The following FRS2 variants were observed in gnomAD, a reference collection of about 807,000 sequenced individuals.
FRS2 encodes FGFR signalling adaptor.
In FRS2, 8 loss-of-function variants were observed where a neutral mutation model predicts 43.9. That is an observed-to-expected ratio of 0.18 (90% CI 0.11 to 0.33). The LOEUF (loss-of-function observed/expected upper bound fraction) is 0.33. Among genes scored for constraint, FRS2 ranks in the 10% least tolerant of loss-of-function variants. The pLI, the probability that FRS2 is intolerant of heterozygous loss-of-function variation, is 1.00. For synonymous variants in FRS2, 219 were observed against 220.3 expected, an observed-to-expected ratio of 0.99 and a Z score of 0.05; for missense variants, 534 against 627.6, an observed-to-expected ratio of 0.85 and a Z score of 1.59.
At chr12:69,485,082 A>AACACACACACAC (rs71094716) in intron 1 of FRS2, among the ~76,000 whole-genome samples, 992 of 85,266 alleles carry the variant, frequency 0.012, 15 homozygotes, top group East Asian at 0.034. Flanking sequence ...CTCATCTTAA[A>AACACACACACAC]ACACACACAC....
chr12:69,500,333 A>G (rs937263996), intron 1 of FRS2, among the ~76,000 whole-genome samples: 4 of 152,196 alleles, frequency 2.6e-5, no homozygotes, highest in African/African-American at 9.7e-5. Flanking sequence ...TATACATTCT[A>G]CCTAAAGTGG....
chr12:69,525,395 A>G (rs918888157), intron 1 of FRS2, among the ~76,000 whole-genome samples: 3 of 152,178 alleles, frequency 2.0e-5, no homozygotes, highest in Admixed American at 6.5e-5. Context: ...TCAAGAAACA[A>G]TACATATCTA....
intron 1 of FRS2, among the ~76,000 whole-genome samples, chr12:69,474,838 AC>A (rs780145412): frequency 6.6e-6 from 1 of 152,174 alleles, no homozygotes; most frequent in Non-Finnish European, 1.5e-5. Context: ...AAAATCAAGA[AC>A]CTCTGAATAT....
chr12:69,568,852 G>C (rs904220394), intron 4 of FRS2, among the ~76,000 whole-genome samples, 153 bp from the exon 5 acceptor site: 2 of 152,124 alleles, frequency 1.3e-5, no homozygotes, highest in East Asian at 1.9e-4. Flanking sequence ...CAACTAGCTA[G>C]TTGTATAAAA....
rs114980078 is a variant in FRS2 at position 69,513,625 on chromosome 12, G to C, written c.-260-17240G>C. Among the ~76,000 whole-genome samples, 751 of 152,290 alleles carry C rather than the reference G, an allele frequency of 4.9e-3. 5 individuals are homozygous for C. Among genetic ancestry groups the C allele is most frequent in the African/African-American group, 0.017 (707 of 41,556 alleles). On this transcript the variant is annotated intron_variant, in intron 1 of 8. Coordinates refer to ENST00000549921, the MANE Select transcript of FRS2 (RefSeq NM_001278356.2). ...CACTATTTTAACAGAGAATTGAATA[G>C]TTTTGCTATTTAGATATTTTACTGA...
chr12:69,510,463 G>T lies in FRS2; in HGVS notation c.-260-20402G>T, dbSNP rs117936078. ...AATACATATTCTGATACAGTTCTTG[G>T]CCCATGATAGATAATAAATAATTAT... On this transcript the variant is annotated intron_variant, in intron 1 of 8. Coordinates refer to ENST00000549921, the MANE Select transcript of FRS2 (RefSeq NM_001278356.2). Among the ~76,000 whole-genome samples the T allele has an allele frequency of 3.8e-3, 576 of 152,102 alleles. 2 individuals are homozygous for T. Among genetic ancestry groups the T allele is most frequent in the Non-Finnish European group, 5.4e-3 (368 of 68,000 alleles).
At chr12:69,559,144 GA>G (rs1426806754) in intron 3 of FRS2, among the ~76,000 whole-genome samples, 13 of 152,140 alleles carry the variant, frequency 8.5e-5, no homozygotes, top group Non-Finnish European at 1.6e-4. Flanking sequence ...CATCTTAAAA[GA>G]AATGCCACTT....
chr12:69,498,114 T>G (rs940554953), intron 1 of FRS2, among the ~76,000 whole-genome samples: 1 of 152,204 alleles, frequency 6.6e-6, no homozygotes, highest in African/African-American at 2.4e-5. Flanking sequence ...GCTATTTTTC[T>G]GAATGGAGAG....
chr12:69,485,146 C>T (rs1435774731), intron 1 of FRS2, among the ~76,000 whole-genome samples: 1 of 147,910 alleles, frequency 6.8e-6, no homozygotes, highest in South Asian at 2.2e-4. Flanking sequence ...CTCTCACCCC[C>T]CTAAAACTCT....
Position 69,568,066 on chromosome 12 carries a change from T to C in FRS2, c.-26-939T>C, listed in dbSNP as rs1037499196. 2.0e-5 allele frequency among the ~76,000 whole-genome samples: 3 copies of C among 152,234 alleles called. 1 individual carries two copies. Among genetic ancestry groups the C allele is most frequent in the Admixed American group, 2.0e-4 (3 of 15,282 alleles). On this transcript the variant is annotated intron_variant, in intron 4 of 8. Coordinates refer to ENST00000549921, the MANE Select transcript of FRS2 (RefSeq NM_001278356.2). ...ATATTCTATCTGATTATTTCCCTTG[T>C]TTGTAAGTGATGCTTTGGAGTTTTC...
intron 1 of FRS2, among the ~76,000 whole-genome samples, chr12:69,473,207 A>G (rs1870466267): frequency 1.3e-5 from 2 of 152,224 alleles, no homozygotes; most frequent in South Asian, 2.1e-4. Context: ...TAATGAGGAC[A>G]GTGAGGCTCA....
chr12:69,574,374 A>AGTGCCC lies in FRS2; in HGVS notation c.951_952insCGTGCC (p.Ala317_Ser318insArgAla), dbSNP rs562159290. 3.7e-4 allele frequency: 593 copies of AGTGCCC among 1,613,074 alleles called. 5 individuals carry two copies. The South Asian group carries it at 5.7e-3, about 16-fold the overall frequency. ...AAATATAAATGGGCTATCTATCCCTAGTGCCTCAGGGGTCAGGAGAGGTCG... is the reference window on the plus strand; with the variant it reads ...AAATATAAATGGGCTATCTATCCCTAGTGCCCGTGCCTCAGGGGTCAGGAGAGGTCG... On this transcript the variant is annotated inframe_insertion, in exon 9 of 9. Coordinates refer to ENST00000549921, the MANE Select transcript of FRS2 (RefSeq NM_001278356.2).
intron 1 of FRS2, among the ~76,000 whole-genome samples, chr12:69,480,660 A>G (rs191351475): frequency 1.1e-3 from 170 of 152,224 alleles, no homozygotes; most frequent in African/African-American, 3.9e-3. Flanking sequence ...CATTTACTAT[A>G]TATTTTTGTT....
chr12:69,477,792 G>A (rs1446420732), intron 1 of FRS2, among the ~76,000 whole-genome samples: 2 of 149,860 alleles, frequency 1.3e-5, no homozygotes, highest in African/African-American at 5.0e-5. Flanking sequence ...CCAGGCTGGA[G>A]TGCAGTGGCA....
chr12:69,472,252 A>ATT (rs1565707289), intron 1 of FRS2, among the ~76,000 whole-genome samples: 1 of 140,608 alleles, frequency 7.1e-6, no homozygotes. Flanking sequence ...ACACCTGGCT[A>ATT]ATTTTTTTTT....
intron 1 of FRS2, among the ~76,000 whole-genome samples, chr12:69,504,589 C>G (rs1223959599): frequency 6.6e-6 from 1 of 152,052 alleles, no homozygotes; most frequent in Non-Finnish European, 1.5e-5. Context: ...CATAAGTCTG[C>G]TATGTTAACA....
intron 3 of FRS2, among the ~76,000 whole-genome samples, chr12:69,540,634 A>G (rs144686277): frequency 1.3e-5 from 2 of 152,348 alleles, no homozygotes; most frequent in East Asian, 1.9e-4. Context: ...TCAATACTCC[A>G]CTTTCCTCAT....
chr12:69,514,660 C>G (rs1874806479), intron 1 of FRS2, among the ~76,000 whole-genome samples: 1 of 152,002 alleles, frequency 6.6e-6, no homozygotes, highest in African/African-American at 2.4e-5. Context: ...TGGCGAAACC[C>G]CATCTCTACT....
At chr12:69,518,718 A>T (rs1371334564) in intron 1 of FRS2, among the ~76,000 whole-genome samples, 1 of 101,168 alleles carries the variant, frequency 9.9e-6, no homozygotes, top group East Asian at 2.9e-4. Flanking sequence ...TGTCTTAAAA[A>T]AAAAAAAAGT....
Sources: allele counts gnomAD v4.1 joint callset (sites outside exome capture counted in the v4.1 genomes callset), GRCh38; gene constraint gnomAD v4.1.1; transcripts MANE v1.5; gene names NCBI Gene and HGNC (gene_info 2026-07-23, HGNC 2026-07-21).